The following SLC6A13 variants were observed in gnomAD, a reference collection of about 807,000 sequenced individuals.
SLC6A13 encodes solute carrier family 6 member 13.
In SLC6A13, 69 loss-of-function variants were observed where a neutral mutation model predicts 72.9. The observed-to-expected ratio is 0.95, with a 90% CI of 0.78 to 1.16. The LOEUF (loss-of-function observed/expected upper bound fraction) is 1.16. Among genes scored for constraint, SLC6A13 ranks in the 50% most tolerant of loss-of-function variants. SLC6A13 has a pLI of 0.00. For missense variants in SLC6A13, 735 were observed against 760.5 expected (o/e 0.97, Z 0.39); for synonymous variants, 303 against 303.0 (o/e 1.00, Z 0.00).
chr12:243,712 T>C lies in SLC6A13; in HGVS notation c.304A>G (p.Thr102Ala), dbSNP rs1411386367. Residue 102 changes from threonine (T) to alanine (A), a missense_variant, in exon 3 of 15, where the codon ACA (threonine) becomes GCA (alanine). Coordinates refer to ENST00000343164, the MANE Select transcript of SLC6A13 (RefSeq NM_016615.5). The stretch of plus-strand genomic sequence containing the variant: ...ATGGGGCAGATCTTCCTCCAGGCTG[T>C]GACGCCTCCCTGGCTAGTGTACTGG... ...LGQYTSQGGVTAWRKICPIFE... is the reference protein window; with the variant it reads ...LGQYTSQGGVAAWRKICPIFE... 1 of 1,614,188 alleles carries C rather than the reference T, an allele frequency of 6.2e-7. No individual in the cohort carries two copies. Among genetic ancestry groups the C allele is most frequent in the Non-Finnish European group, 8.5e-7 (1 of 1,180,008 alleles).
chr12:242,621 C>T lies in SLC6A13; in HGVS notation c.471G>A (p.Trp157Ter), dbSNP rs766341069. The change falls in exon 4 of 15, where the codon TGG becomes TGA. Residue 157 changes from tryptophan to a stop codon, truncating the protein, a stop_gained. Transcript: ENST00000343164. LOFTEE classifies it high-confidence loss of function. ...CTTGGGTGAGGACCATACCTGTGTT[C>T]CACTCATGGTAGCAGCCGCCCCAGG... ...DLPWGGCYHE[W>*]NTEHCMEFQK... is the part of the protein sequence containing the mutation. 7 of 1,613,526 alleles carry T rather than the reference C, an allele frequency of 4.3e-6. No homozygotes were observed. Among genetic ancestry groups the T allele is most frequent in the Middle Eastern group, 1.6e-4 (1 of 6,078 alleles).
intron 2 of SLC6A13, 105 bp from the exon 3 acceptor site, chr12:243,918 G>T (rs943722967): frequency 3.4e-5 from 39 of 1,147,972 alleles, no homozygotes; most frequent in Non-Finnish European, 3.9e-5. Context: ...AATCTCGGAG[G>T]CAGAGAACAT....
intron 4 of SLC6A13, among the ~76,000 whole-genome samples, chr12:239,467 C>G (rs538472660): frequency 1.5e-4 from 23 of 152,284 alleles, no homozygotes; most frequent in African/African-American, 5.5e-4. Context: ...TCCTTCAGAC[C>G]AATGCTGAAG....
Position 259,908 on chromosome 12 carries a change from T to C in SLC6A13, c.145A>G (p.Ile49Val), listed in dbSNP as rs1246091015. ...MEFVLSVAGEIIGLGNVWRFP... is the reference protein window; with the variant it reads ...MEFVLSVAGEVIGLGNVWRFP... ...CTCCAGACGTTGCCTAAGCCAATGA[T>C]CTCCCCAGCCACTGACAGCACAAAC... The change falls in exon 2 of 15, where the codon ATC becomes GTC. Residue 49 changes from isoleucine to valine, a missense_variant. Physicochemically the swap from Ile to Val is conservative, Grantham distance 29. Transcript: ENST00000343164. 2 of 1,614,004 alleles carry C rather than the reference T, an allele frequency of 1.2e-6. No homozygotes were observed. Among genetic ancestry groups the C allele is most frequent in the Non-Finnish European group, 1.7e-6 (2 of 1,180,020 alleles).
At chr12:260,160 G>A in intron 1 of SLC6A13, 103 bp from the exon 2 acceptor site, 1 of 1,269,260 alleles carries the variant, frequency 7.9e-7, no homozygotes, top group Admixed American at 2.2e-5. Flanking sequence ...TGCACTGGAA[G>A]AGGTGAATTT....
chr12:253,274 C>T (rs964256925), intron 2 of SLC6A13, among the ~76,000 whole-genome samples: 3 of 152,170 alleles, frequency 2.0e-5, no homozygotes, highest in African/African-American at 7.2e-5. Context: ...CATAAACTGA[C>T]GATCTTCCAC....
intron 7 of SLC6A13, among the ~76,000 whole-genome samples, chr12:231,292 G>A (rs941226621): frequency 6.6e-6 from 1 of 152,236 alleles, no homozygotes; most frequent in Non-Finnish European, 1.5e-5. Flanking sequence ...AACGAGAGGG[G>A]AGCACAGCGT....
chr12:262,635 C>T, intron 1 of SLC6A13, 154 bp downstream of exon 1: 1 of 963,464 alleles, frequency 1.0e-6, no homozygotes, highest in Non-Finnish European at 1.2e-6. Context: ...AAGAAAATAG[C>T]ACATAATCTT....
At chr12:224,249 G>T in intron 10 of SLC6A13, 120 bp from the exon 11 acceptor site, 1 of 1,445,352 alleles carries the variant, frequency 6.9e-7, no homozygotes, top group Non-Finnish European at 9.6e-7. Context: ...GGTCCCCTGA[G>T]CTATTGTCCT....
chr12:248,273 G>C (rs535131359), intron 2 of SLC6A13, among the ~76,000 whole-genome samples: 44 of 148,540 alleles, frequency 3.0e-4, no homozygotes, highest in African/African-American at 1.0e-3. Flanking sequence ...AAAAGTAAAA[G>C]GATAGAAAGA....
intron 2 of SLC6A13, 35 bp downstream of exon 2, chr12:259,816 G>T (rs760792771): frequency 6.2e-7 from 1 of 1,614,230 alleles, no homozygotes; most frequent in Non-Finnish European, 8.5e-7. Context: ...CTCCTTCCAG[G>T]AGTGGGTGGG....
At chr12:223,334 G>A (rs1198361960) in intron 11 of SLC6A13, 100 bp from the exon 12 acceptor site, 1 of 647,838 alleles carries the variant, frequency 1.5e-6, no homozygotes, top group African/African-American at 1.8e-5. Context: ...GCACAGAGCA[G>A]AGTTGGTGAG....
At chr12:242,570 G>T in intron 4 of SLC6A13, 44 bp downstream of exon 4, 1 of 1,587,058 alleles carries the variant, frequency 6.3e-7, no homozygotes, top group South Asian at 1.1e-5. Context: ...CGGTTAATGT[G>T]GCAGAACGAG....
chr12:255,113 C>T (rs1460859762), intron 2 of SLC6A13, among the ~76,000 whole-genome samples: 3 of 152,214 alleles, frequency 2.0e-5, no homozygotes, highest in Non-Finnish European at 4.4e-5. Context: ...TAGATGGGTG[C>T]TAGCAGTGGA....
intron 2 of SLC6A13, among the ~76,000 whole-genome samples, chr12:250,587 T>C (rs1247390769): frequency 6.6e-6 from 1 of 152,060 alleles, no homozygotes; most frequent in Non-Finnish European, 1.5e-5. Flanking sequence ...ACAAAAGTTG[T>C]GAAAGATATA....
chr12:222,727 G>T, intron 12 of SLC6A13, 95 bp from the exon 13 acceptor site: 1 of 697,612 alleles, frequency 1.4e-6, no homozygotes, highest in Non-Finnish European at 2.4e-6. Context: ...AATGGGCAGG[G>T]ACCCATAAAG....
At chr12:229,591 C>A (rs1484592791) in intron 7 of SLC6A13, among the ~76,000 whole-genome samples, 1 of 152,226 alleles carries the variant, frequency 6.6e-6, no homozygotes, top group Admixed American at 6.5e-5. Flanking sequence ...GGGCTCAGGA[C>A]CAATGCACGT....
In SLC6A13 at chr12:224,177, G is replaced by T. The variant is rs756194050; in HGVS notation, c.1174-48C>A. The T allele has an allele frequency of 1.9e-6, 3 of 1,610,364 alleles. No individual in the cohort carries two copies. The Admixed American group carries it at 5.0e-5, about 27-fold the overall frequency. ...TGGAGGGAAGGAGAGCTCCCGAGAT[G>T]CCCTGTCCATGAGCGCTGGCTTCTC... On this transcript the variant is annotated intron_variant, in intron 10 of 14. Coordinates refer to ENST00000343164, the MANE Select transcript of SLC6A13 (RefSeq NM_016615.5).
At chr12:226,306 G>A in intron 9 of SLC6A13, 84 bp downstream of exon 9, 1 of 1,547,468 alleles carries the variant, frequency 6.5e-7, no homozygotes, top group Non-Finnish European at 8.9e-7. Context: ...GAGTGCAGGT[G>A]ACACAATGGA....
Sources: gnomAD v4.1 joint callset for allele counts (sites outside exome capture counted in the v4.1 genomes callset) on GRCh38, gnomAD v4.1.1 for gene constraint, MANE v1.5 for transcripts, NCBI Gene and HGNC (gene_info 2026-07-23, HGNC 2026-07-21) for gene names.